The following ACAT2 variants were observed in gnomAD, a reference collection of about 807,000 sequenced individuals.
The protein encoded by ACAT2 is acetyl-CoA acetyltransferase, cytosolic.
ACAT2 carries 26 observed loss-of-function variants against 37.1 expected under a neutral mutation model. The ratio of observed to expected loss-of-function variants is 0.70; its 90% confidence interval spans 0.51 to 0.97. The LOEUF is 0.97. Ranked by LOEUF, ACAT2 falls within the 50% of genes least tolerant of loss-of-function variation. The probability of loss-of-function intolerance (pLI) is 0.00; values close to 1 mark genes in which losing one functional copy is unlikely to be tolerated. For synonymous variants in ACAT2, 156 were observed against 163.6 expected, an observed-to-expected ratio of 0.95 and a Z score of 0.35; for missense variants, 468 against 489.0, an observed-to-expected ratio of 0.96 and a Z score of 0.40.
intron 2 of ACAT2, among the ~76,000 whole-genome samples, chr6:159,763,819 C>T (rs957507495): frequency 1.3e-5 from 2 of 150,110 alleles, no homozygotes; most frequent in Non-Finnish European, 3.0e-5. Flanking sequence ...GAAGCAGGGC[C>T]GGCCGGGCCC....
rs1472158773 is a variant in ACAT2, at chr6:159,771,913, C to T, written c.491-3257C>T. Among the ~76,000 whole-genome samples, 7 of 152,200 alleles carry T rather than the reference C, an allele frequency of 4.6e-5. No individual in the cohort carries two copies. The East Asian group carries it at 7.7e-4, about 17-fold the overall frequency. On this transcript the variant is annotated intron_variant, in intron 4 of 8. Transcript: ENST00000367048. ...CAGTCTGGTTAACATAGTGACACAA[C>T]AACAACAACAACAACAAAAGAATAG... is the stretch of plus-strand genomic sequence containing the variant.
chr6:159,762,226 G>C, intron 1 of ACAT2, 84 bp downstream of exon 1: 11 of 1,479,874 alleles, frequency 7.4e-6, no homozygotes, highest in Non-Finnish European at 9.1e-6. Context: ...GTGTAGGAGA[G>C]GGGCGTATGT....
chr6:159,773,552 T>C (rs1227452863), intron 4 of ACAT2, among the ~76,000 whole-genome samples: 1 of 152,194 alleles, frequency 6.6e-6, no homozygotes, highest in East Asian at 1.9e-4. Flanking sequence ...TTTGAACAAT[T>C]TGAGCATCAG....
intron 6 of ACAT2, 91 bp from the exon 7 acceptor site, chr6:159,777,211 T>C: frequency 7.1e-7 from 1 of 1,402,990 alleles, no homozygotes; most frequent in South Asian, 1.4e-5. Flanking sequence ...GGTAAAATCA[T>C]TTAACTCATG....
chr6:159,764,842 T>C (rs1780228694), intron 2 of ACAT2, among the ~76,000 whole-genome samples: 1 of 152,220 alleles, frequency 6.6e-6, no homozygotes, highest in African/African-American at 2.4e-5. Flanking sequence ...TATCTTCATT[T>C]TACAAATGAA....
At position 159,777,436 on chromosome 6, in the gene ACAT2, A is replaced by G. The variant is rs758839118; in HGVS notation, c.892A>G (p.Ile298Val). 5 of 1,612,976 alleles carry G rather than the reference A, an allele frequency of 3.1e-6. No homozygotes were observed. The highest frequency in any genetic ancestry group is 1.7e-5 in the Admixed American group (1 of 59,820). ...VEPSIMGIGP[I>V]PAIKQAVTKA... The stretch of plus-strand genomic sequence containing the variant: ...GCCTTCCATTATGGGAATAGGACCA[A>G]TTCCAGCCATAAAGCAAGCTGTGAG... Residue 298 changes from isoleucine to valine, a missense_variant, in exon 7 of 9, where the codon ATT becomes GTT. Transcript: ENST00000367048.
chr6:159,768,851 C>T (rs1254665343), intron 4 of ACAT2, among the ~76,000 whole-genome samples: 1 of 152,212 alleles, frequency 6.6e-6, no homozygotes, highest in Admixed American at 6.5e-5. Context: ...TCTTCTGGAT[C>T]AACCCCTCAT....
intron 1 of ACAT2, 77 bp from the exon 2 acceptor site, chr6:159,762,842 A>G: frequency 6.3e-7 from 1 of 1,597,338 alleles, no homozygotes; most frequent in Non-Finnish European, 8.5e-7. Context: ...CAGGGTCATG[A>G]GGCTCCCCTG....
Position 159,773,531 on chromosome 6 carries a change from T to C in ACAT2, c.491-1639T>C, listed in dbSNP as rs564316514. ...GCAGCCTACGGGGCTTCCACTTTCC[T>C]GTAGTGGAATTTTGAACAATTTGAG... On this transcript the variant is annotated intron_variant, in intron 4 of 8. Transcript: ENST00000367048. Among the ~76,000 whole-genome samples, 10 of 152,328 alleles carry C rather than the reference T, an allele frequency of 6.6e-5. No homozygotes were observed. The East Asian group carries it at 1.9e-3, about 29-fold the overall frequency.
At chr6:159,776,481 A>C (rs542592904) in intron 6 of ACAT2, among the ~76,000 whole-genome samples, 2 of 152,324 alleles carry the variant, frequency 1.3e-5, no homozygotes, top group African/African-American at 4.8e-5. Context: ...TAACCTCCCA[A>C]GTAGCTGGGG....
intron 6 of ACAT2, 147 bp from the exon 7 acceptor site, chr6:159,777,155 T>G (rs768950074): frequency 4.2e-6 from 4 of 945,682 alleles, no homozygotes; most frequent in Non-Finnish European, 6.3e-6. Context: ...CCAAACATAA[T>G]TTCTATGTAA....
rs1364660849 is a variant in ACAT2 at position 159,762,078 on chromosome 6, G to A, written c.-10G>A. On this transcript the variant is annotated 5_prime_UTR_variant, in exon 1 of 9. Transcript: ENST00000367048. ...GGCAGCGCAGGGCAGACGGCGGCAG[G>A]AGAAGCAAGATGAATGCAGGCTCAG... The A allele has an allele frequency of 1.2e-6, 2 of 1,612,948 alleles. No individual in the cohort carries two copies. Among genetic ancestry groups the A allele is most frequent in the Admixed American group, 1.7e-5 (1 of 59,928 alleles).
At chr6:159,776,995 C>T (rs1407658839) in intron 6 of ACAT2, among the ~76,000 whole-genome samples, 2 of 152,184 alleles carry the variant, frequency 1.3e-5, no homozygotes, top group African/African-American at 2.4e-5. Flanking sequence ...CCCTATTGGT[C>T]AGGCTGGTCT....
At chr6:159,768,974 T>C (rs538513465) in intron 4 of ACAT2, among the ~76,000 whole-genome samples, 1 of 152,332 alleles carries the variant, frequency 6.6e-6, no homozygotes, top group East Asian at 1.9e-4. Context: ...ACTACACAAT[T>C]GGGTTATTGG....
At chr6:159,767,426 A>G (rs992300125) in intron 3 of ACAT2, among the ~76,000 whole-genome samples, 2 of 152,252 alleles carry the variant, frequency 1.3e-5, no homozygotes, top group Non-Finnish European at 2.9e-5. Context: ...TTTCTAAACT[A>G]TTAATGAAGC....
At chr6:159,767,397 A>C (rs1780271989) in intron 3 of ACAT2, among the ~76,000 whole-genome samples, 1 of 152,232 alleles carries the variant, frequency 6.6e-6, no homozygotes, top group Admixed American at 6.5e-5. Context: ...AACCAGTGTG[A>C]TTGGAACCGA....
intron 2 of ACAT2, among the ~76,000 whole-genome samples, chr6:159,765,419 T>A (rs938444768): frequency 6.8e-6 from 1 of 146,616 alleles, no homozygotes; most frequent in Non-Finnish European, 1.5e-5. Context: ...CCCAGCCCTG[T>A]ACCTCATTTC....
At chr6:159,778,399 A>C in intron 8 of ACAT2, 119 bp downstream of exon 8, 1 of 601,256 alleles carries the variant, frequency 1.7e-6, no homozygotes, top group Non-Finnish European at 2.7e-6. Flanking sequence ...AGTTACTAGG[A>C]CTGAGTTCAT....
chr6:159,778,895 G>A lies in ACAT2; in HGVS notation c.*66G>A. ...AATAAAGTACTAGGTTGCAATATGT[G>A]AAATCAGAGGACCAAAGTACAGATG... On this transcript the variant is annotated 3_prime_UTR_variant, in exon 9 of 9. Coordinates refer to ENST00000367048, the MANE Select transcript of ACAT2 (RefSeq NM_005891.3). 6.2e-7 allele frequency: 1 copy of A among 1,600,122 alleles called. No individual in the cohort carries two copies. Among genetic ancestry groups the A allele is most frequent in the Non-Finnish European group, 8.5e-7 (1 of 1,170,878 alleles).
Sources: gnomAD v4.1 joint callset for allele counts (sites outside exome capture counted in the v4.1 genomes callset) on GRCh38, gnomAD v4.1.1 for gene constraint, MANE v1.5 for transcripts, NCBI Gene and HGNC (gene_info 2026-07-23, HGNC 2026-07-21) for gene names.